Variants in PTPRB observed in about 807,000 individuals in gnomAD.
The protein encoded by PTPRB is receptor-type tyrosine-protein phosphatase beta.
A neutral mutation model predicts 238.1 loss-of-function variants in PTPRB; 97 were observed. The observed-to-expected ratio is 0.41, with a 90% confidence interval of 0.35 to 0.48. PTPRB has a LOEUF of 0.48. Among genes scored for constraint, PTPRB ranks in the 20% least tolerant of loss-of-function variants. The probability of loss-of-function intolerance (pLI) is 0.30; values close to 1 mark genes in which losing one functional copy is unlikely to be tolerated. For missense variants in PTPRB, 2,292 were observed against 2,681.9 expected (o/e 0.85, Z 3.21); for synonymous variants, 970 against 995.4 (o/e 0.97, Z 0.48).
chr12:70,585,288 C>T (rs925142727), intron 9 of PTPRB: 4 of 152,102 alleles, frequency 2.6e-5, no homozygotes, highest in African/African-American at 9.7e-5. Flanking sequence ...ACTTTGCTTC[C>T]AATTACACTG....
At chr12:70,561,010 C>T in intron 16 of PTPRB, 76 bp from the exon 17 acceptor site, 4 of 1,432,074 alleles carry the variant, frequency 2.8e-6, no homozygotes, top group Non-Finnish European at 3.9e-6. Context: ...AGAGTATATG[C>T]TATGTTGGGC....
In PTPRB at chr12:70,523,884, C is replaced by T. The variant is rs149642530; in HGVS notation, c.6625+587G>A. Reference sequence around the variant, plus strand: ...AGTCTGGAGTGCAGTGGTGGGATCTCGGCCCACTGCAACTTCTACCTCCCA... The same window carrying T: ...AGTCTGGAGTGCAGTGGTGGGATCTTGGCCCACTGCAACTTCTACCTCCCA... On this transcript the variant is annotated intron_variant, in intron 33 of 33. Transcript: ENST00000334414. Among the ~76,000 whole-genome samples, 209 of 151,654 alleles carry T rather than the reference C, an allele frequency of 1.4e-3. 1 individual carries two copies. The highest frequency in any genetic ancestry group is 4.7e-3 in the African/African-American group (195 of 41,284).
At chr12:70,627,721 A>G (rs1370427740) in intron 2 of PTPRB, among the ~76,000 whole-genome samples, 1 of 152,074 alleles carries the variant, frequency 6.6e-6, no homozygotes, top group Non-Finnish European at 1.5e-5. Flanking sequence ...CATTGATAAC[A>G]TTATTTTCAG....
In PTPRB at chr12:70,541,035, C is replaced by A. The variant is rs923346287; in HGVS notation, c.5495-78G>T. On this transcript the variant is annotated intron_variant, in intron 22 of 33. Coordinates refer to ENST00000334414, the MANE Select transcript of PTPRB (RefSeq NM_001109754.4). ...GGAACCAGTAAGAAAGCTATTGAAG[C>A]CATATCTCCCAAGTAATGTTATTAC... 4 of 1,090,690 alleles carry A rather than the reference C, an allele frequency of 3.7e-6. No individual in the cohort carries two copies. The African/African-American group carries it at 6.3e-5, about 17-fold the overall frequency. The allele number at this position is 1,090,690 out of a possible 1,614,324, so 67.6% of individuals were successfully genotyped here.
chr12:70,615,810 A>G (rs1163065808), intron 3 of PTPRB, among the ~76,000 whole-genome samples: 1 of 152,228 alleles, frequency 6.6e-6, no homozygotes, highest in African/African-American at 2.4e-5. Flanking sequence ...ATAGCAGACA[A>G]ATAAAGCATG....
In PTPRB at chr12:70,520,625, A is replaced by G. The variant is rs959737707; in HGVS notation, c.*864T>C. 6 of 168,144 alleles carry G rather than the reference A, an allele frequency of 3.6e-5. No individual in the cohort carries two copies. Among genetic ancestry groups the G allele is most frequent in the African/African-American group, 1.4e-4 (6 of 41,586 alleles). The allele number at this position is 168,144 out of a possible 1,614,324, so 10.4% of individuals were successfully genotyped here. On this transcript the variant is annotated 3_prime_UTR_variant, in exon 34 of 34. Coordinates refer to ENST00000334414, the MANE Select transcript of PTPRB (RefSeq NM_001109754.4). ...AAACTAGTGTGTATAAATACATTAC[A>G]GTATGGGTGTGGATGTTCACACTCC...
At position 70,533,477 on chromosome 12, in the gene PTPRB, G is replaced by C. The variant is rs182197324; in HGVS notation, c.6368+1011C>G. Among the ~76,000 whole-genome samples the C allele has an allele frequency of 5.1e-3, 773 of 151,420 alleles. 6 individuals carry two copies. The highest frequency in any genetic ancestry group is 0.042 in the South Asian group (195 of 4,682). ...CATTAATTTGCTAGATACCAGGCTC[G>C]CCAGAGAGAGAGAGATTTCACTTGT... is the stretch of plus-strand genomic sequence containing the variant. On this transcript the variant is annotated intron_variant, in intron 31 of 33. Coordinates refer to ENST00000334414, the MANE Select transcript of PTPRB (RefSeq NM_001109754.4).
At chr12:70,590,361 T>A (rs1882359416) in intron 7 of PTPRB, 128 bp from the exon 8 acceptor site, 1 of 922,520 alleles carries the variant, frequency 1.1e-6, no homozygotes, top group Admixed American at 2.9e-5. Context: ...TATCCCCTCT[T>A]GATGTCTGTG....
In PTPRB at chr12:70,576,406, G is replaced by A. The variant is rs1367278613; in HGVS notation, c.2818C>T (p.His940Tyr). The change falls in exon 11 of 34, where the codon CAC (histidine) becomes TAC (tyrosine). Residue 940 changes from histidine to tyrosine, a missense_variant. Physicochemically the swap from His to Tyr is moderately conservative, Grantham distance 83. Coordinates refer to ENST00000334414, the MANE Select transcript of PTPRB (RefSeq NM_001109754.4). Reference sequence around the variant, plus strand: ...CCTGTCCGCTCTTGGCTGAAGGAGTGATTTTCATACTTGCCACTCCTTGTA... The same window carrying A: ...CCTGTCCGCTCTTGGCTGAAGGAGTAATTTTCATACTTGCCACTCCTTGTA... The part of the protein sequence containing the change: ...ITTRSGKYEN[H>Y]SFSQERTVPD... The A allele has an allele frequency of 6.2e-7, 1 of 1,611,748 alleles. No homozygotes were observed.
At position 70,515,971 on chromosome 12, in the gene PTPRB, C is replaced by T. The variant is rs182877882; in HGVS notation, c.*5518G>A. ...GTTACAAATATAAAAATGTATTAAGCAAATACATAATTTAAATTGAAAGAC... is the reference window on the plus strand; with the variant it reads ...GTTACAAATATAAAAATGTATTAAGTAAATACATAATTTAAATTGAAAGAC... On this transcript the variant is annotated 3_prime_UTR_variant, in exon 34 of 34. Transcript: ENST00000334414. The T allele has an allele frequency of 1.4e-4, 21 of 151,666 alleles. No individual in the cohort carries two copies. The East Asian group carries it at 3.9e-3, about 28-fold the overall frequency. The allele number at this position is 151,666 out of a possible 1,614,324, so 9.4% of individuals were successfully genotyped here. A position where few individuals can be genotyped will look rare whatever the true frequency, so the allele number is the denominator to read the frequency against.
At position 70,622,289 on chromosome 12, in the gene PTPRB, C is replaced by T. The variant is rs935707229; in HGVS notation, c.708+101G>A. 9 of 1,466,948 alleles carry T rather than the reference C, an allele frequency of 6.1e-6. No homozygotes were observed. The African/African-American group carries it at 1.4e-4, about 22-fold the overall frequency. The allele number at this position is 1,466,948 out of a possible 1,614,324, so 90.9% of individuals were successfully genotyped here. A position where few individuals can be genotyped will look rare whatever the true frequency, so the allele number is the denominator to read the frequency against. On this transcript the variant is annotated intron_variant, in intron 3 of 33. Transcript: ENST00000334414. The stretch of plus-strand genomic sequence containing the variant: ...GGACACAGGGTGAGAGTGCCTAATC[C>T]CCCTACTGCAGCAGTGGCATTTTTA...
At chr12:70,574,488 A>G (rs1880467720) in intron 11 of PTPRB, among the ~76,000 whole-genome samples, 1 of 152,256 alleles carries the variant, frequency 6.6e-6, no homozygotes, top group Admixed American at 6.5e-5. Flanking sequence ...TCAATGATCC[A>G]GGCAATTTGC....
intron 2 of PTPRB, among the ~76,000 whole-genome samples, chr12:70,626,443 T>C (rs553259580): frequency 4.5e-4 from 68 of 151,108 alleles, no homozygotes; most frequent in African/African-American, 1.6e-3. Flanking sequence ...TAGTTGGCTC[T>C]TTGTATCTGC....
chr12:70,532,395 G>T (rs1468922984), intron 31 of PTPRB, among the ~76,000 whole-genome samples: 1 of 149,900 alleles, frequency 6.7e-6, no homozygotes, highest in Non-Finnish European at 1.5e-5. Context: ...CTCTACCAGG[G>T]ATAAGTACTG....
At chr12:70,586,030 C>T (rs1881873875) in intron 9 of PTPRB, among the ~76,000 whole-genome samples, 1 of 152,132 alleles carries the variant, frequency 6.6e-6, no homozygotes. Flanking sequence ...GCCACATTTT[C>T]CTAATCCAGT....
chr12:70,589,689 T>A (rs1422192890), intron 8 of PTPRB, among the ~76,000 whole-genome samples: 1 of 152,192 alleles, frequency 6.6e-6, no homozygotes, highest in Non-Finnish European at 1.5e-5. Context: ...GTGGGAAGGG[T>A]CAGTGTTTGT....
chr12:70,635,109 G>A (rs1381650034), intron 2 of PTPRB, among the ~76,000 whole-genome samples: 1 of 152,084 alleles, frequency 6.6e-6, no homozygotes. Context: ...AAAATCTGTG[G>A]CTGCCCATTG....
rs992796353 is a variant in PTPRB, at chr12:70,622,454, G to A, written c.644C>T (p.Thr215Ile). ...AACCCATGATGTGTCTGTAATTCCA[G>A]TCATGTGCAGATTGGGATGCTGCCT... ...SERQHPNLHM[T>I]GITDTSWVLS... Residue 215 changes from threonine to isoleucine, a missense_variant, in exon 3 of 34, where the codon ACT becomes ATT. This residue lies in a region of PTPRB where 1,205 missense variants were observed against 1,287.8 expected (regional missense o/e 0.94). Transcript: ENST00000334414. 2 of 1,613,206 alleles carry A rather than the reference G, an allele frequency of 1.2e-6. No individual in the cohort carries two copies. Among genetic ancestry groups the A allele is most frequent in the African/African-American group, 2.7e-5 (2 of 74,864 alleles).
intron 4 of PTPRB, 95 bp from the exon 5 acceptor site, chr12:70,596,422 A>C (rs1368498945): frequency 8.3e-7 from 1 of 1,197,910 alleles, no homozygotes; most frequent in Non-Finnish European, 1.1e-6. Context: ...ATAACTGCTT[A>C]TTTTACTGCA....
Sources: gnomAD v4.1 joint callset for allele counts (sites outside exome capture counted in the v4.1 genomes callset) on GRCh38, gnomAD v4.1.1 for gene constraint, gnomAD v4.1.1 regional missense constraint, MANE v1.5 for transcripts, NCBI Gene and HGNC (gene_info 2026-07-23, HGNC 2026-07-21) for gene names.